Variants in CABIN1 observed in about 807,000 individuals in gnomAD.
CABIN1 encodes calcineurin-binding protein cabin-1.
CABIN1 carries 133 observed loss-of-function variants against 227.7 expected under a neutral mutation model. The observed-to-expected ratio is 0.58, with a 90% CI of 0.51 to 0.67. The LOEUF is 0.67. Ranked by LOEUF, CABIN1 falls within the 30% of genes least tolerant of loss-of-function variation. CABIN1 has a pLI of 0.00. For missense variants in CABIN1, 2,408 were observed against 2,852.5 expected, an observed-to-expected ratio of 0.84 and a Z score of 3.55; for synonymous variants, 1,086 against 1,155.1, an observed-to-expected ratio of 0.94 and a Z score of 1.21.
chr22:24,082,017 A>G (rs1015319111), intron 19 of CABIN1, among the ~76,000 whole-genome samples: 2 of 150,238 alleles, frequency 1.3e-5, no homozygotes, highest in African/African-American at 4.9e-5. Context: ...ACGGAGCGAG[A>G]CTCCATCTCA....
chr22:24,037,415 G>A lies in CABIN1; in HGVS notation c.97-933G>A, dbSNP rs141054255. On this transcript the variant is annotated intron_variant, in intron 3 of 36. Coordinates refer to ENST00000263119, the MANE Select transcript of CABIN1 (RefSeq NM_012295.4). ...ACTCCTGGGCTCAAGCAGTCTTCCT[G>A]TCTCAGCCTCCTGAGTAGTTTAGGA... is the stretch of plus-strand genomic sequence containing the variant. 7.9e-5 allele frequency among the ~76,000 whole-genome samples: 12 copies of A among 152,056 alleles called. No homozygotes were observed. In the East Asian group the frequency reaches 1.6e-3, roughly 20 times the overall value.
At chr22:24,145,843 G>T (rs771952518) in intron 29 of CABIN1, among the ~76,000 whole-genome samples, 1 of 152,220 alleles carries the variant, frequency 6.6e-6, no homozygotes, top group Non-Finnish European at 1.5e-5. Context: ...CTCCTAATGC[G>T]CAATGTCATC....
At chr22:24,108,620 T>C (rs191622423) in intron 26 of CABIN1, among the ~76,000 whole-genome samples, 412 of 152,290 alleles carry the variant, frequency 2.7e-3, no homozygotes, top group Non-Finnish European at 4.2e-3. Flanking sequence ...GCAGTGGACA[T>C]GGCAAAGGCA....
At chr22:24,046,821 G>A (rs1337709601) in intron 6 of CABIN1, among the ~76,000 whole-genome samples, 2 of 152,182 alleles carry the variant, frequency 1.3e-5, no homozygotes, top group Non-Finnish European at 2.9e-5. Context: ...CAGGAGAATT[G>A]ATGGTATAGT....
At chr22:24,141,875 A>G (rs905509137) in intron 29 of CABIN1, among the ~76,000 whole-genome samples, 1 of 152,130 alleles carries the variant, frequency 6.6e-6, no homozygotes, top group East Asian at 1.9e-4. Context: ...GAAAACATTT[A>G]TGCCCTGTGC....
intron 3 of CABIN1, 133 bp downstream of exon 3, chr22:24,036,314 C>T: frequency 1.4e-6 from 1 of 731,926 alleles, no homozygotes; most frequent in Non-Finnish European, 2.5e-6. Context: ...GGCTAGCTCT[C>T]CATCTCCTGT....
intron 7 of CABIN1, among the ~76,000 whole-genome samples, chr22:24,050,451 T>A (rs1188007072): frequency 6.6e-6 from 1 of 152,236 alleles, no homozygotes; most frequent in South Asian, 2.1e-4. Flanking sequence ...ACTTTTCCGA[T>A]GACTTTTTGT....
At position 24,171,780 on chromosome 22, in the gene CABIN1, CAGT is replaced by C; in HGVS notation, c.5826_5828del (p.Val1944del). 2.5e-6 allele frequency: 4 copies of C among 1,614,188 alleles called. No homozygotes were observed. Among genetic ancestry groups the C allele is most frequent in the Non-Finnish European group, 2.5e-6 (3 of 1,180,032 alleles). On this transcript the variant is annotated inframe_deletion, in exon 34 of 37. Transcript: ENST00000263119. ...AGCCGAGAGAACTTCTTTCCTGTGACAGTGGTGCCCACAGCCCCTGACCCTGTG... is the reference window on the plus strand; with the variant it reads ...AGCCGAGAGAACTTCTTTCCTGTGACGGTGCCCACAGCCCCTGACCCTGTG...
rs1385824027 is a variant in CABIN1 at position 24,113,359 on chromosome 22, T to C, written c.4118-207T>C. Among the ~76,000 whole-genome samples the C allele has an allele frequency of 2.6e-5, 4 of 152,104 alleles. 1 individual carries two copies. The highest frequency in any genetic ancestry group is 9.7e-5 in the African/African-American group (4 of 41,394). On this transcript the variant is annotated intron_variant, in intron 26 of 36. Transcript: ENST00000263119. Reference sequence around the variant, plus strand: ...ACTGTTTGGGGGAACCCCAGGAGGGTTGACCATGGAGATTGGTGCATTTGG... The same window carrying C: ...ACTGTTTGGGGGAACCCCAGGAGGGCTGACCATGGAGATTGGTGCATTTGG...
intron 28 of CABIN1, among the ~76,000 whole-genome samples, chr22:24,127,168 T>TA (rs1239573525): frequency 7.9e-5 from 12 of 152,104 alleles, no homozygotes; most frequent in Non-Finnish European, 1.8e-4. Flanking sequence ...TGGCCCCATC[T>TA]AACAGGAAAG....
chr22:24,067,232 T>A (rs1251195708), intron 16 of CABIN1, 51 bp downstream of exon 16: 2 of 1,584,542 alleles, frequency 1.3e-6, no homozygotes, highest in Non-Finnish European at 1.7e-6. Context: ...TCTCCTTGCT[T>A]GTTTGTGTTT....
At chr22:24,119,821 C>G in intron 28 of CABIN1, 123 bp downstream of exon 28, 2 of 1,002,762 alleles carry the variant, frequency 2.0e-6, no homozygotes, top group Admixed American at 1.8e-5. Context: ...GAGGGATGGG[C>G]GAGGAGAGCT....
rs140235058 is a variant in CABIN1, at chr22:24,167,395, C to G, written c.5682+82C>G. On this transcript the variant is annotated intron_variant, in intron 32 of 36. Coordinates refer to ENST00000263119, the MANE Select transcript of CABIN1 (RefSeq NM_012295.4). ...GCCTTTCTATCCTCAAGGAGGGTCT[C>G]CCAGGCCTGCCCTTGGGGCGGGTTT... 246 of 1,360,606 alleles carry G rather than the reference C, an allele frequency of 1.8e-4. No individual in the cohort carries two copies. The African/African-American group carries it at 3.1e-3, about 17-fold the overall frequency. 84.3% of individuals were successfully genotyped at this position (1,360,606 alleles called of 1,614,324 possible). A position where few individuals can be genotyped will look rare whatever the true frequency, so the allele number is the denominator to read the frequency against.
At chr22:24,117,125 G>C (rs943850119) in intron 27 of CABIN1, among the ~76,000 whole-genome samples, 8 of 152,198 alleles carry the variant, frequency 5.3e-5, no homozygotes, top group African/African-American at 1.7e-4. Flanking sequence ...AGTGGGAGTG[G>C]ATGCTGTGTG....
intron 6 of CABIN1, among the ~76,000 whole-genome samples, chr22:24,046,668 A>G (rs1003607794): frequency 1.3e-5 from 2 of 152,186 alleles, no homozygotes; most frequent in Non-Finnish European, 2.9e-5. Context: ...GTATGTACAT[A>G]TATAGAAAGA....
chr22:24,041,585 G>A (rs1448106007), intron 5 of CABIN1, among the ~76,000 whole-genome samples: 1 of 152,204 alleles, frequency 6.6e-6, no homozygotes, highest in Non-Finnish European at 1.5e-5. Context: ...CACCAATATA[G>A]TGGTAATAAT....
chr22:24,125,560 T>A (rs756219151), intron 28 of CABIN1, among the ~76,000 whole-genome samples: 34 of 152,070 alleles, frequency 2.2e-4, no homozygotes, highest in Non-Finnish European at 4.7e-4. Context: ...CGGGGGGAGC[T>A]GGTGAGCTTT....
intron 26 of CABIN1, among the ~76,000 whole-genome samples, chr22:24,104,958 G>A (rs2042428500): frequency 6.6e-6 from 1 of 152,176 alleles, no homozygotes; most frequent in African/African-American, 2.4e-5. Flanking sequence ...ACAAATGGCC[G>A]TGAGCTGTTT....
At chr22:24,066,645 C>G (rs2039700791) in intron 15 of CABIN1, among the ~76,000 whole-genome samples, 2 of 152,158 alleles carry the variant, frequency 1.3e-5, no homozygotes, top group African/African-American at 4.8e-5. Context: ...ACCCGATGTT[C>G]CGCAGTTCTG....
Sources: gnomAD v4.1 joint callset for allele counts (sites outside exome capture counted in the v4.1 genomes callset) on GRCh38, gnomAD v4.1.1 for gene constraint, MANE v1.5 for transcripts, NCBI Gene and HGNC (gene_info 2026-07-23, HGNC 2026-07-21) for gene names.